The following MAN1A2 variants were observed in gnomAD, a reference collection of about 807,000 sequenced individuals.
The protein encoded by MAN1A2 is mannosidase alpha class 1A member 2.
Under a neutral mutation model 75.7 loss-of-function variants are expected in MAN1A2, and 26 were observed. That is an observed-to-expected ratio of 0.34 (90% confidence interval 0.25 to 0.48). The LOEUF is 0.48. Among genes scored for constraint, MAN1A2 ranks in the 20% least tolerant of loss-of-function variants. The pLI, the probability that MAN1A2 is intolerant of heterozygous loss-of-function variation, is 0.99. For missense variants in MAN1A2, 562 were observed against 775.5 expected (o/e 0.72, Z 3.27); for synonymous variants, 247 against 264.6 (o/e 0.93, Z 0.65).
In MAN1A2 at chr1:117,442,141, C is replaced by G. The variant is rs750446004; in HGVS notation, c.856-90C>G. 54 of 828,184 alleles carry G rather than the reference C, an allele frequency of 6.5e-5. 1 individual carries two copies. The highest frequency in any genetic ancestry group is 1.3e-4 in the Admixed American group (7 of 55,508). The allele number at this position is 828,184 out of a possible 1,614,324, so 51.3% of individuals were successfully genotyped here. A position where few individuals can be genotyped will look rare whatever the true frequency, so the allele number is the denominator to read the frequency against. On this transcript the variant is annotated intron_variant, in intron 5 of 12. Transcript: ENST00000356554. ...ACCCTGTGCTCCCGTGTACCCAGTA[C>G]CTTGTGCTATGTATACTATGAGAGA...
chr1:117,456,471 C>G (rs1649584632), intron 6 of MAN1A2, among the ~76,000 whole-genome samples: 1 of 151,720 alleles, frequency 6.6e-6, no homozygotes, highest in South Asian at 2.1e-4. Flanking sequence ...ATTGGGTATC[C>G]TGTAAAATAA....
At chr1:117,471,851 C>CAT (rs567714206) in intron 8 of MAN1A2, among the ~76,000 whole-genome samples, 15 of 151,834 alleles carry the variant, frequency 9.9e-5, no homozygotes, top group Non-Finnish European at 1.8e-4. Flanking sequence ...CATAAGGTGT[C>CAT]ATATTCAGAT....
rs59011673 is a variant in MAN1A2 at position 117,445,884 on chromosome 1, G to GTA, written c.950+3573_950+3574dup. Reference sequence around the variant, plus strand: ...TATGTGTGTGTGTGTCTGTGTGTGTGTATATATATATATATGTATATATGT... The same window carrying GTA: ...TATGTGTGTGTGTGTCTGTGTGTGTGTATATATATATATATATGTATATATGT... On this transcript the variant is annotated intron_variant, in intron 6 of 12. Coordinates refer to ENST00000356554, the MANE Select transcript of MAN1A2 (RefSeq NM_006699.5). 2.9e-3 allele frequency among the ~76,000 whole-genome samples: 396 copies of GTA among 138,756 alleles called. 3 individuals carry two copies. The highest frequency in any genetic ancestry group is 9.4e-3 in the African/African-American group (366 of 38,940). The allele number at this position is 138,756 out of a possible 152,430, so 91.0% of individuals were successfully genotyped here.
chr1:117,514,759 T>C (rs879519811), intron 12 of MAN1A2: 39 of 513,282 alleles, frequency 7.6e-5, no homozygotes, highest in Admixed American at 3.6e-4. Flanking sequence ...GATTCTCAGA[T>C]GAGGGGAAAA....
chr1:117,375,138 G>A lies in MAN1A2; in HGVS notation c.302+6653G>A, dbSNP rs80334008. ...TCTTGAGCCCAGTTATCAATTACACGTCTTCACCTGTTACCTGAGACTTTA... is the reference window on the plus strand; with the variant it reads ...TCTTGAGCCCAGTTATCAATTACACATCTTCACCTGTTACCTGAGACTTTA... On this transcript the variant is annotated intron_variant, in intron 1 of 12. Transcript: ENST00000356554. 3.9e-3 allele frequency among the ~76,000 whole-genome samples: 588 copies of A among 152,118 alleles called. 7 individuals are homozygous for A. Among genetic ancestry groups the A allele is most frequent in the African/African-American group, 0.013 (558 of 41,488 alleles).
At chr1:117,490,844 G>A (rs184698428) in intron 8 of MAN1A2, among the ~76,000 whole-genome samples, 2 of 152,164 alleles carry the variant, frequency 1.3e-5, no homozygotes, top group East Asian at 1.9e-4. Context: ...TGCAGGCATG[G>A]GAAAAGTCTG....
intron 1 of MAN1A2, 99 bp downstream of exon 1, chr1:117,368,584 T>C: frequency 8.9e-7 from 1 of 1,126,784 alleles, no homozygotes; most frequent in Non-Finnish European, 1.3e-6. Context: ...TAAAATGTAA[T>C]TTTTCGAGTC....
Position 117,387,032 on chromosome 1 carries a change from TCAA to T in MAN1A2, c.303-15141_303-15139del, listed in dbSNP as rs201782085. ...AGAATATATAAAGAACTCCTACAAC[TCAA>T]CAACAACAACAAAAAACCTGGTTTA... On this transcript the variant is annotated intron_variant, in intron 1 of 12. Coordinates refer to ENST00000356554, the MANE Select transcript of MAN1A2 (RefSeq NM_006699.5). 4.4e-3 allele frequency among the ~76,000 whole-genome samples: 673 copies of T among 151,686 alleles called. 6 individuals carry two copies. Among genetic ancestry groups the T allele is most frequent in the African/African-American group, 0.016 (647 of 41,346 alleles).
At chr1:117,388,281 G>A (rs915494574) in intron 1 of MAN1A2, among the ~76,000 whole-genome samples, 1 of 152,084 alleles carries the variant, frequency 6.6e-6, no homozygotes, top group Non-Finnish European at 1.5e-5. Flanking sequence ...TAATAACAAG[G>A]AGTGATGGCT....
intron 10 of MAN1A2, 72 bp from the exon 11 acceptor site, chr1:117,499,310 G>T (rs766130723): frequency 2.5e-5 from 27 of 1,079,636 alleles, no homozygotes; most frequent in Non-Finnish European, 3.2e-5. Context: ...GTTCTTTCAG[G>T]GAAGAAAGAA....
intron 6 of MAN1A2, among the ~76,000 whole-genome samples, chr1:117,456,916 A>G (rs1649599381): frequency 6.6e-6 from 1 of 152,080 alleles, no homozygotes; most frequent in East Asian, 1.9e-4. Context: ...ATTCCTACAA[A>G]TGAAGATACT....
intron 6 of MAN1A2, among the ~76,000 whole-genome samples, chr1:117,454,826 G>T (rs1161899520): frequency 6.6e-6 from 1 of 152,166 alleles, no homozygotes; most frequent in African/African-American, 2.4e-5. Context: ...ATAGTATGGA[G>T]ACGTGAAGCC....
chr1:117,371,255 C>G (rs1348577083), intron 1 of MAN1A2, among the ~76,000 whole-genome samples: 1 of 152,104 alleles, frequency 6.6e-6, no homozygotes, highest in African/African-American at 2.4e-5. Flanking sequence ...ATACTAGGAT[C>G]TTATTGTCTA....
chr1:117,384,990 GA>G (rs1653477958), intron 1 of MAN1A2, among the ~76,000 whole-genome samples: 1 of 152,140 alleles, frequency 6.6e-6, no homozygotes, highest in Admixed American at 6.6e-5. Context: ...ATTTGGAATT[GA>G]AAATTTTGGT....
chr1:117,521,525 C>T (rs952556843), intron 12 of MAN1A2, among the ~76,000 whole-genome samples: 7 of 151,874 alleles, frequency 4.6e-5, no homozygotes, highest in Non-Finnish European at 1.0e-4. Flanking sequence ...TCAAAAAACA[C>T]TATATGTGGG....
At chr1:117,511,713 T>G (rs759390722) in intron 12 of MAN1A2, among the ~76,000 whole-genome samples, 3 of 152,108 alleles carry the variant, frequency 2.0e-5, no homozygotes, top group Non-Finnish European at 4.4e-5. Context: ...CAGTTGTGTT[T>G]AAGGCATTAC....
chr1:117,390,556 A>T (rs1386828614), intron 1 of MAN1A2, among the ~76,000 whole-genome samples: 2 of 151,822 alleles, frequency 1.3e-5, no homozygotes, highest in African/African-American at 4.8e-5. Context: ...GATCTCAAAT[A>T]ACTAGCTTTT....
At chr1:117,517,933 A>C (rs1651762234) in intron 12 of MAN1A2, among the ~76,000 whole-genome samples, 1 of 152,068 alleles carries the variant, frequency 6.6e-6, no homozygotes, top group Non-Finnish European at 1.5e-5. Context: ...AATTAGGTAA[A>C]CAGGAACAAA....
intron 12 of MAN1A2, among the ~76,000 whole-genome samples, chr1:117,517,483 A>T (rs181599298): frequency 6.6e-6 from 1 of 152,178 alleles, no homozygotes; most frequent in South Asian, 2.1e-4. Context: ...AAAAACTGTA[A>T]TGTTTCAGTT....
Sources: gnomAD v4.1 joint callset for allele counts (sites outside exome capture counted in the v4.1 genomes callset) on GRCh38, gnomAD v4.1.1 for gene constraint, MANE v1.5 for transcripts, NCBI Gene and HGNC (gene_info 2026-07-23, HGNC 2026-07-21) for gene names.